Variants in SYDE2 observed in about 807,000 individuals in gnomAD.
SYDE2 encodes synapse defective Rho GTPase homolog 2, also known as rho GTPase-activating protein SYDE2.
Under a neutral mutation model 91.5 loss-of-function variants are expected in SYDE2, and 76 were observed. The ratio of observed to expected loss-of-function variants is 0.83; its 90% CI spans 0.69 to 1.01. SYDE2 has a LOEUF of 1.01. SYDE2 is among the 50% of genes least tolerant of loss of function. SYDE2 has a pLI of 0.00. For synonymous variants in SYDE2, 513 were observed against 506.4 expected, an observed-to-expected ratio of 1.01 and a Z score of -0.18; for missense variants, 1,364 against 1,367.7, an observed-to-expected ratio of 1.00 and a Z score of 0.04.
At chr1:85,159,378 C>T (rs778931640) in intron 6 of SYDE2, 129 bp from the exon 7 acceptor site, 1 of 642,406 alleles carries the variant, frequency 1.6e-6, no homozygotes, top group Non-Finnish European at 2.7e-6. Flanking sequence ...TGCACTCTGT[C>T]AAAAGAAAGC....
intron 2 of SYDE2, among the ~76,000 whole-genome samples, chr1:85,185,972 C>T (rs562696803): frequency 3.3e-5 from 5 of 152,242 alleles, no homozygotes; most frequent in Admixed American, 6.5e-5. Context: ...TACGTCCCAT[C>T]AATACCTAAT....
At chr1:85,183,260 T>G in intron 2 of SYDE2, 60 bp from the exon 3 acceptor site, 2 of 1,438,766 alleles carry the variant, frequency 1.4e-6, no homozygotes, top group South Asian at 1.6e-5. Flanking sequence ...CTTTTATTCT[T>G]ATTTTATAAA....
intron 5 of SYDE2, among the ~76,000 whole-genome samples, chr1:85,166,501 G>C (rs558633577): frequency 6.6e-6 from 1 of 152,152 alleles, no homozygotes; most frequent in African/African-American, 2.4e-5. Flanking sequence ...GCTGTGGCAA[G>C]AACAAGTCCA....
intron 2 of SYDE2, among the ~76,000 whole-genome samples, chr1:85,188,237 C>A (rs181814087): frequency 2.2e-4 from 33 of 152,234 alleles, no homozygotes; most frequent in African/African-American, 7.7e-4. Flanking sequence ...GTATTTATTT[C>A]TTTCCCCATC....
At chr1:85,177,898 T>C (rs1207319285) in intron 4 of SYDE2, among the ~76,000 whole-genome samples, 2 of 152,082 alleles carry the variant, frequency 1.3e-5, no homozygotes, top group East Asian at 1.9e-4. Flanking sequence ...TACCTTTTTC[T>C]TTCTGCTAGC....
At chr1:85,192,825 C>A (rs887348654) in intron 1 of SYDE2, among the ~76,000 whole-genome samples, 16 of 152,134 alleles carry the variant, frequency 1.1e-4, no homozygotes, top group Non-Finnish European at 1.8e-4. Context: ...ACCATGCTAC[C>A]CACAAACCAC....
At chr1:85,169,346 G>A in intron 4 of SYDE2, 121 bp from the exon 5 acceptor site, 2 of 645,032 alleles carry the variant, frequency 3.1e-6, no homozygotes, top group South Asian at 2.7e-5. Context: ...AACAATAAAG[G>A]CAACAACATA....
chr1:85,167,471 C>A (rs1325622536), intron 5 of SYDE2, among the ~76,000 whole-genome samples: 2 of 152,196 alleles, frequency 1.3e-5, no homozygotes, highest in East Asian at 3.9e-4. Flanking sequence ...GATTGACTGA[C>A]TGAGACAAAG....
Position 85,158,707 on chromosome 1 carries a change from CA to C in SYDE2, c.*42del. On this transcript the variant is annotated 3_prime_UTR_variant, in exon 7 of 7. Coordinates refer to ENST00000341460, the MANE Select transcript of SYDE2 (RefSeq NM_032184.2). ...GTGGTATAAGAAAATAAAACAAAAACAGATTTGAAACTTTAAGACATTACAA... is the reference window on the plus strand; with the variant it reads ...GTGGTATAAGAAAATAAAACAAAAACGATTTGAAACTTTAAGACATTACAA... The C allele has an allele frequency of 1.5e-6, 1 of 656,804 alleles. No homozygotes were observed. The highest frequency in any genetic ancestry group is 2.8e-6 in the Non-Finnish European group (1 of 363,228). 40.7% of individuals were successfully genotyped at this position (656,804 alleles called of 1,614,324 possible).
rs546260425 is a variant in SYDE2, at chr1:85,183,135, G to T, written c.1507C>A (p.Pro503Thr). The T allele has an allele frequency of 6.2e-7, 1 of 1,609,246 alleles. No individual in the cohort carries two copies. Among genetic ancestry groups the T allele is most frequent in the African/African-American group, 1.3e-5 (1 of 74,572 alleles). ...GAACTGCCTTTTTTCACAGGGCTAG[G>T]ATTTGGAGAAGATGGTTCCATAATT... is the stretch of plus-strand genomic sequence containing the variant. ...LGIMEPSSPNPSPVKKGSSIN... is the reference protein window; with the variant it reads ...LGIMEPSSPNTSPVKKGSSIN... The change falls in exon 3 of 7, where the codon CCT becomes ACT. Residue 503 changes from proline (P) to threonine (T), a missense_variant. By Grantham distance (38) the Pro-to-Thr change is conservative. Coordinates refer to ENST00000341460, the MANE Select transcript of SYDE2 (RefSeq NM_032184.2).
At chr1:85,162,344 CT>C (rs1202011834) in intron 6 of SYDE2, among the ~76,000 whole-genome samples, 1 of 152,140 alleles carries the variant, frequency 6.6e-6, no homozygotes, top group Non-Finnish European at 1.5e-5. Flanking sequence ...ATGCTGTGGC[CT>C]ACTAGTCTTT....
intron 6 of SYDE2, among the ~76,000 whole-genome samples, chr1:85,162,941 T>C (rs749588536): frequency 5.3e-5 from 8 of 152,124 alleles, no homozygotes; most frequent in Non-Finnish European, 1.0e-4. Flanking sequence ...ATCCCTTATG[T>C]TGGGCATCAA....
At chr1:85,153,410 A>C (rs1656816175), downstream of SYDE2, 1 of 152,264 alleles carries the variant, frequency 6.6e-6, no homozygotes, top group Non-Finnish European at 1.5e-5. Context: ...CAGGGTAAGA[A>C]AGACTCCAAT....
At chr1:85,165,781 TG>T (rs1657246469) in intron 5 of SYDE2, among the ~76,000 whole-genome samples, 1 of 151,576 alleles carries the variant, frequency 6.6e-6, no homozygotes, top group Admixed American at 6.6e-5. Context: ...TTTGATGTAG[TG>T]GCATAGGATC....
chr1:85,163,445 C>CTACATATATA (rs1553170237), intron 6 of SYDE2, among the ~76,000 whole-genome samples: 1 of 87,608 alleles, frequency 1.1e-5, no homozygotes, highest in Non-Finnish European at 2.4e-5. Context: ...GTACTTTAAT[C>CTACATATATA]TATATATATA....
At chr1:85,165,597 AAT>A (rs137970465) in intron 5 of SYDE2, among the ~76,000 whole-genome samples, 6 of 150,706 alleles carry the variant, frequency 4.0e-5, no homozygotes, top group Admixed American at 4.0e-4. Flanking sequence ...TAAATAAATA[AAT>A]ATATATATGT....
chr1:85,196,325 A>T (rs998066510), intron 1 of SYDE2, among the ~76,000 whole-genome samples: 1 of 152,180 alleles, frequency 6.6e-6, no homozygotes, highest in Non-Finnish European at 1.5e-5. Flanking sequence ...GCAGAATCTC[A>T]GGTCCCACCC....
intron 4 of SYDE2, among the ~76,000 whole-genome samples, chr1:85,171,408 G>A (rs572236027): frequency 3.3e-5 from 5 of 152,226 alleles, no homozygotes; most frequent in South Asian, 2.1e-4. Context: ...GGGATGGGGC[G>A]AGAGGAGAGT....
At chr1:85,182,050 T>C (rs1209051602) in intron 3 of SYDE2, 48 bp downstream of exon 3, 6 of 1,496,158 alleles carry the variant, frequency 4.0e-6, no homozygotes, top group Non-Finnish European at 2.7e-6. Context: ...AGACTTACAA[T>C]TAATCAATCA....
Sources: allele counts gnomAD v4.1 joint callset (sites outside exome capture counted in the v4.1 genomes callset), GRCh38; gene constraint gnomAD v4.1.1; transcripts MANE v1.5; gene names NCBI Gene and HGNC (gene_info 2026-07-23, HGNC 2026-07-21).